FRMPD4: variants seen among roughly 807,000 people sequenced by gnomAD.
FRMPD4 encodes the protein FERM and PDZ domain containing 4.
FRMPD4 carries 22 observed loss-of-function variants against 94.1 expected under a neutral mutation model. The ratio of observed to expected loss-of-function variants is 0.23; its 90% CI spans 0.17 to 0.33. The LOEUF (loss-of-function observed/expected upper bound fraction) is 0.33. FRMPD4 is among the 10% of genes least tolerant of loss of function. FRMPD4 has a pLI of 1.00. For missense variants in FRMPD4, 1,111 were observed against 1,339.9 expected, an observed-to-expected ratio of 0.83 and a Z score of 2.67; for synonymous variants, 631 against 548.6, an observed-to-expected ratio of 1.15 and a Z score of -2.10.
chrX:12,567,128 T>C (rs1193930222), intron 2 of FRMPD4, among the ~76,000 whole-genome samples: 1 of 111,707 alleles, frequency 9.0e-6, no homozygotes, highest in Non-Finnish European at 1.9e-5. Context: ...GTTTCTGCCA[T>C]ACACAGCCAT....
intron 1 of FRMPD4, among the ~76,000 whole-genome samples, chrX:11,850,416 A>G (rs977525847): frequency 2.9e-4 from 33 of 112,434 alleles, no homozygotes; most frequent in Non-Finnish European, 1.1e-4. Context: ...TTAAAAATAG[A>G]ATCACCATAA....
At chrX:12,336,277 G>C (rs1182857205) in intron 1 of FRMPD4, among the ~76,000 whole-genome samples, 1 of 111,584 alleles carries the variant, frequency 9.0e-6, no homozygotes, top group African/African-American at 3.3e-5. Flanking sequence ...ACAGTTGTTG[G>C]AGCTCTGTAA....
chrX:12,470,890 T>A (rs949788262), intron 1 of FRMPD4, among the ~76,000 whole-genome samples: 1 of 111,980 alleles, frequency 8.9e-6, no homozygotes, highest in African/African-American at 3.2e-5. Context: ...TTTAGGCTTC[T>A]AAGCCCTCAT....
At chrX:12,589,616 A>G (rs897435925) in intron 2 of FRMPD4, among the ~76,000 whole-genome samples, 2 of 111,874 alleles carry the variant, frequency 1.8e-5, no homozygotes, top group African/African-American at 6.5e-5. Context: ...CTGCATTTTC[A>G]TCCACTTTCA....
chrX:11,914,584 A>AT (rs2054014555), intron 3 of FRMPD4, among the ~76,000 whole-genome samples: 1 of 112,003 alleles, frequency 8.9e-6, no homozygotes, highest in Non-Finnish European at 1.9e-5. Flanking sequence ...GTCCTGTTGT[A>AT]TGCGTGTGTT....
At chrX:11,962,534 T>A (rs2054289179) in intron 3 of FRMPD4, among the ~76,000 whole-genome samples, 1 of 111,940 alleles carries the variant, frequency 8.9e-6, no homozygotes, top group African/African-American at 3.2e-5. Flanking sequence ...GCAGCTGATG[T>A]CTCTGGGACC....
In FRMPD4 at chrX:12,553,466, A is replaced by ATATATATATC. The variant is rs368999462; in HGVS notation, c.158+54671_158+54672insATATATATCT. 3.3e-3 allele frequency among the ~76,000 whole-genome samples: 260 copies of ATATATATATC among 77,917 alleles called. 4 individuals are homozygous for ATATATATATC. The highest frequency in any genetic ancestry group is 0.011 in the African/African-American group (216 of 18,828). The allele number at this position is 77,917 out of a possible 115,157, so 67.7% of individuals were successfully genotyped here. On this transcript the variant is annotated intron_variant, in intron 2 of 16. Coordinates refer to ENST00000675598, the MANE Select transcript of FRMPD4 (RefSeq NM_001368397.1). Reference sequence around the variant, plus strand: ...TATATATATATATATATATATATATATCTAATCCACTAATTTATTTGCAAC... The same window carrying ATATATATATC: ...TATATATATATATATATATATATATATATATATATCTCTAATCCACTAATTTATTTGCAAC...
chrX:12,216,114 T>C (rs973890173), intron 1 of FRMPD4, among the ~76,000 whole-genome samples: 1 of 111,988 alleles, frequency 8.9e-6, no homozygotes, highest in African/African-American at 3.2e-5. Flanking sequence ...ACCCCAAATC[T>C]TAGTAGTGCA....
intron 1 of FRMPD4, among the ~76,000 whole-genome samples, chrX:12,277,733 T>C (rs931116072): frequency 1.8e-5 from 2 of 112,234 alleles, no homozygotes; most frequent in African/African-American, 6.5e-5. Flanking sequence ...GTAGCATATT[T>C]TGTCACCTTG....
intron 1 of FRMPD4, among the ~76,000 whole-genome samples, chrX:12,292,404 T>C (rs1384061563): frequency 9.0e-6 from 1 of 111,525 alleles, no homozygotes; most frequent in Non-Finnish European, 1.9e-5. Flanking sequence ...CCTATTATTA[T>C]TGTTGCCTTA....
At chrX:12,349,322 T>C (rs780945856) in intron 1 of FRMPD4, among the ~76,000 whole-genome samples, 2 of 110,672 alleles carry the variant, frequency 1.8e-5, no homozygotes, top group Admixed American at 9.7e-5. Flanking sequence ...CTATTTGCAC[T>C]GAAGATGGTG....
intron 1 of FRMPD4, among the ~76,000 whole-genome samples, chrX:12,423,528 T>C (rs2056910892): frequency 8.9e-6 from 1 of 111,836 alleles, no homozygotes; most frequent in African/African-American, 3.3e-5. Context: ...TTTGATATAT[T>C]TCCTGTTACT....
chrX:12,516,106 T>A (rs1387310719), intron 2 of FRMPD4, among the ~76,000 whole-genome samples: 1 of 112,159 alleles, frequency 8.9e-6, no homozygotes, highest in Non-Finnish European at 1.9e-5. Flanking sequence ...GCATGTGAGA[T>A]GGGTCTCTTG....
At chrX:11,892,291 C>G (rs757117402) in intron 3 of FRMPD4, among the ~76,000 whole-genome samples, 1 of 112,280 alleles carries the variant, frequency 8.9e-6, no homozygotes, top group South Asian at 3.7e-4. Flanking sequence ...AGGCGGCTTT[C>G]ATGCTCACAG....
chrX:12,389,646 G>A (rs944623904), intron 1 of FRMPD4, among the ~76,000 whole-genome samples: 3 of 111,288 alleles, frequency 2.7e-5, no homozygotes, highest in Non-Finnish European at 5.7e-5. Context: ...AATTATAAAT[G>A]GTCAATTTAT....
At chrX:12,016,638 T>A (rs955683247) in intron 3 of FRMPD4, among the ~76,000 whole-genome samples, 3 of 112,441 alleles carry the variant, frequency 2.7e-5, no homozygotes, top group African/African-American at 9.7e-5. Flanking sequence ...ACTATCCTTA[T>A]AACTTTAGGT....
intron 3 of FRMPD4, among the ~76,000 whole-genome samples, chrX:11,926,258 CAAAAAAAAAAAA>C (rs763084115): frequency 9.8e-5 from 3 of 30,712 alleles, no homozygotes; most frequent in African/African-American, 4.7e-4. Flanking sequence ...GCTTACCAAC[CAAAAAAAAAAAA>C]AAAAAAAAAA....
intron 3 of FRMPD4, among the ~76,000 whole-genome samples, chrX:11,972,903 T>C (rs757378845): frequency 9.8e-5 from 11 of 112,556 alleles, no homozygotes; most frequent in Non-Finnish European, 1.7e-4. Flanking sequence ...TTTGGGTTGA[T>C]AAAAAGGAAG....
At position 12,205,832 on chromosome X, in the gene FRMPD4, C is replaced by A. The variant is rs764904409; in HGVS notation, c.41+66820C>A. Reference sequence around the variant, plus strand: ...ATGTATTCAGCAAATAAGGATTGAACCTCTTTGGTGTGCGCCGGCACCATG... The same window carrying A: ...ATGTATTCAGCAAATAAGGATTGAAACTCTTTGGTGTGCGCCGGCACCATG... On this transcript the variant is annotated intron_variant, in intron 1 of 16. Coordinates refer to ENST00000675598, the MANE Select transcript of FRMPD4 (RefSeq NM_001368397.1). Among the ~76,000 whole-genome samples, 9 of 112,067 alleles carry A rather than the reference C, an allele frequency of 8.0e-5. No homozygotes were observed. In the South Asian group the frequency reaches 3.4e-3, roughly 42 times the overall value.
Sources: allele counts gnomAD v4.1 joint callset (sites outside exome capture counted in the v4.1 genomes callset), GRCh38; gene constraint gnomAD v4.1.1; transcripts MANE v1.5; gene names NCBI Gene and HGNC (gene_info 2026-07-23, HGNC 2026-07-21).